Variants in KCNH5 observed in about 807,000 individuals in gnomAD.
KCNH5 encodes the protein potassium voltage-gated channel subfamily H member 5, also known as voltage-gated delayed rectifier potassium channel KCNH5.
KCNH5 carries 46 observed loss-of-function variants against 96.1 expected under a neutral mutation model. The ratio of observed to expected loss-of-function variants is 0.48; its 90% CI spans 0.38 to 0.61. The LOEUF is 0.61. Among genes scored for constraint, KCNH5 ranks in the 20% least tolerant of loss-of-function variants. The pLI is 0.00. For synonymous variants in KCNH5, 439 were observed against 449.8 expected (o/e 0.98, Z 0.30); for missense variants, 907 against 1,225.8 (o/e 0.74, Z 3.88).
intron 10 of KCNH5, among the ~76,000 whole-genome samples, chr14:62,724,228 G>C (rs1038970832): frequency 2.6e-5 from 4 of 152,256 alleles, no homozygotes; most frequent in African/African-American, 9.6e-5. Flanking sequence ...TTGATGTTTA[G>C]AGTATCTAAT....
In KCNH5 at chr14:62,883,850, TGA is replaced by T. The variant is rs1282484661; in HGVS notation, c.1370-34000_1370-33999del. On this transcript the variant is annotated intron_variant, in intron 7 of 10. Coordinates refer to ENST00000322893, the MANE Select transcript of KCNH5 (RefSeq NM_139318.5). ...TACAAAGAGGAAAGTTGGAGGAGTG[TGA>T]GTTAAGAATCTTTAAGCCACAGAGG... 1.1e-4 allele frequency among the ~76,000 whole-genome samples: 16 copies of T among 152,168 alleles called. No individual in the cohort carries two copies. The East Asian group carries it at 3.1e-3, about 29-fold the overall frequency.
At chr14:62,950,085 A>G in intron 7 of KCNH5, 48 bp downstream of exon 7, 3 of 1,544,896 alleles carry the variant, frequency 1.9e-6, no homozygotes, top group Non-Finnish European at 2.7e-6. Context: ...TGTAGCCAGG[A>G]AAATTGCCAA....
At chr14:62,887,557 A>G (rs1888621878) in intron 7 of KCNH5, among the ~76,000 whole-genome samples, 1 of 152,110 alleles carries the variant, frequency 6.6e-6, no homozygotes, top group Non-Finnish European at 1.5e-5. Context: ...AACACACTAG[A>G]TGAGGTAACA....
intron 4 of KCNH5, among the ~76,000 whole-genome samples, chr14:62,998,779 C>T (rs984561775): frequency 2.0e-5 from 3 of 152,080 alleles, no homozygotes; most frequent in Non-Finnish European, 4.4e-5. Flanking sequence ...TTACTCATTT[C>T]TAGTTTAATT....
At chr14:62,776,874 G>C (rs563476557) in intron 10 of KCNH5, among the ~76,000 whole-genome samples, 1 of 152,238 alleles carries the variant, frequency 6.6e-6, no homozygotes, top group South Asian at 2.1e-4. Flanking sequence ...TGCAGCCATG[G>C]AAAGCCACAC....
intron 10 of KCNH5, among the ~76,000 whole-genome samples, chr14:62,714,123 A>T (rs1814789985): frequency 1.2e-4 from 2 of 17,292 alleles, no homozygotes; most frequent in Non-Finnish European, 6.4e-4. Context: ...TCTCTACAAT[A>T]AAATTTAAAA....
chr14:62,797,818 C>A (rs886337610), intron 9 of KCNH5, among the ~76,000 whole-genome samples: 12 of 151,846 alleles, frequency 7.9e-5, no homozygotes, highest in African/African-American at 2.9e-4. Context: ...TGGGTTCAAG[C>A]AATTCTCATG....
chr14:62,703,980 C>T lies in KCNH5; in HGVS notation c.*3528G>A, dbSNP rs1230550668. ...TAAAAAAAATTCCAAATGACTTTAG[C>T]TATTTAAAATAAGATATCAAATGGA... On this transcript the variant is annotated 3_prime_UTR_variant, in exon 11 of 11. Transcript: ENST00000322893. 6.6e-6 allele frequency: 1 copy of T among 151,838 alleles called. No homozygotes were observed. Among genetic ancestry groups the T allele is most frequent in the African/African-American group, 2.4e-5 (1 of 41,390 alleles). 9.4% of individuals were successfully genotyped at this position (151,838 alleles called of 1,614,324 possible).
At chr14:62,966,790 G>T (rs1890313081) in intron 6 of KCNH5, among the ~76,000 whole-genome samples, 1 of 152,054 alleles carries the variant, frequency 6.6e-6, no homozygotes, top group Admixed American at 6.6e-5. Context: ...CCAATCCTGT[G>T]CTATTGTATC....
chr14:62,750,878 A>C (rs1885483850), intron 10 of KCNH5, among the ~76,000 whole-genome samples: 1 of 152,190 alleles, frequency 6.6e-6, no homozygotes, highest in Admixed American at 6.5e-5. Context: ...ACAACAGCAT[A>C]CCCAGCTTTC....
At position 62,812,079 on chromosome 14, in the gene KCNH5, C is replaced by T. The variant is rs1277175044; in HGVS notation, c.1570-9498G>A. 2.0e-5 allele frequency among the ~76,000 whole-genome samples: 3 copies of T among 152,174 alleles called. No homozygotes were observed. In the South Asian group the frequency reaches 6.2e-4, roughly 31 times the overall value. ...TCTCAACAAATTACTAGCAAAACCC[C>T]AAACTCTTGAGTTCCAGCTATTAAG... is the stretch of plus-strand genomic sequence containing the variant. On this transcript the variant is annotated intron_variant, in intron 8 of 10. Coordinates refer to ENST00000322893, the MANE Select transcript of KCNH5 (RefSeq NM_139318.5).
At chr14:62,722,261 C>T (rs1434791413) in intron 10 of KCNH5, among the ~76,000 whole-genome samples, 1 of 152,076 alleles carries the variant, frequency 6.6e-6, no homozygotes, top group Non-Finnish European at 1.5e-5. Context: ...ATTCCAGTTA[C>T]AATACAGATT....
chr14:62,713,356 C>A (rs1048954504), intron 10 of KCNH5, among the ~76,000 whole-genome samples: 21 of 152,274 alleles, frequency 1.4e-4, no homozygotes, highest in Non-Finnish European at 2.1e-4. Flanking sequence ...TGCCTTCTGG[C>A]ATTCCTAGAA....
intron 10 of KCNH5, among the ~76,000 whole-genome samples, chr14:62,727,429 C>A (rs1437553408): frequency 1.3e-5 from 2 of 151,978 alleles, no homozygotes; most frequent in Admixed American, 6.6e-5. Context: ...TGCAACAGAG[C>A]AGGGAATAAG....
chr14:62,865,170 A>C (rs1011384081), intron 7 of KCNH5, among the ~76,000 whole-genome samples: 6 of 152,118 alleles, frequency 3.9e-5, no homozygotes, highest in Non-Finnish European at 8.8e-5. Flanking sequence ...GGTGAAGGAC[A>C]GTCTACGTGA....
chr14:62,817,125 TTATAATA>T lies in KCNH5; in HGVS notation c.1570-14551_1570-14545del, dbSNP rs1393114607. Among the ~76,000 whole-genome samples the T allele has an allele frequency of 3.6e-5, 5 of 137,610 alleles. No individual in the cohort carries two copies. The East Asian group carries it at 8.1e-4, about 22-fold the overall frequency. 90.3% of individuals were successfully genotyped at this position (137,610 alleles called of 152,430 possible). On this transcript the variant is annotated intron_variant, in intron 8 of 10. Coordinates refer to ENST00000322893, the MANE Select transcript of KCNH5 (RefSeq NM_139318.5). The stretch of plus-strand genomic sequence containing the variant: ...AATTATATATGACATAATATATTTA[TTATAATA>T]TATAATATATATATACACACATATA...
At chr14:63,025,995 G>A (rs1422215608) in intron 1 of KCNH5, among the ~76,000 whole-genome samples, 2 of 142,334 alleles carry the variant, frequency 1.4e-5, no homozygotes, top group Non-Finnish European at 3.0e-5. Flanking sequence ...AAAGCAGCAC[G>A]GTACTGGCAT....
chr14:62,804,054 A>G (rs576040399), intron 8 of KCNH5, among the ~76,000 whole-genome samples: 2 of 152,328 alleles, frequency 1.3e-5, no homozygotes, highest in South Asian at 4.1e-4. Flanking sequence ...GTCACTATCA[A>G]TGAAAACTGG....
chr14:62,992,817 A>G (rs1451519966), intron 4 of KCNH5, among the ~76,000 whole-genome samples: 1 of 152,032 alleles, frequency 6.6e-6, no homozygotes, highest in African/African-American at 2.4e-5. Context: ...CTTTTAGTTT[A>G]ATTAAGTTCC....
Sources: gnomAD v4.1 joint callset for allele counts (sites outside exome capture counted in the v4.1 genomes callset) on GRCh38, gnomAD v4.1.1 for gene constraint, MANE v1.5 for transcripts, NCBI Gene and HGNC (gene_info 2026-07-23, HGNC 2026-07-21) for gene names.